The following HS6ST2 variants were observed in gnomAD, a reference collection of about 807,000 sequenced individuals.
HS6ST2 encodes the protein heparan-sulfate 6-O-sulfotransferase 2.
Under a neutral mutation model 33.0 loss-of-function variants are expected in HS6ST2, and 17 were observed. That is an observed-to-expected ratio of 0.52 (90% CI 0.35 to 0.77). The LOEUF (loss-of-function observed/expected upper bound fraction) is 0.77, where lower values mean the gene tolerates loss of function less well. Ranked by LOEUF, HS6ST2 falls within the 30% of genes least tolerant of loss-of-function variation. The pLI is 0.01. For missense variants in HS6ST2, 519 were observed against 551.7 expected (o/e 0.94, Z 0.59); for synonymous variants, 248 against 237.1 (o/e 1.05, Z -0.42).
At chrX:132,839,997 A>G (rs2065693671) in intron 2 of HS6ST2, among the ~76,000 whole-genome samples, 1 of 110,823 alleles carries the variant, frequency 9.0e-6, no homozygotes, top group Non-Finnish European at 1.9e-5. Flanking sequence ...CACGCCTGTA[A>G]TCTCAGCTAC....
At chrX:132,836,826 T>C (rs747945419) in intron 2 of HS6ST2, among the ~76,000 whole-genome samples, 1 of 112,538 alleles carries the variant, frequency 8.9e-6, no homozygotes, top group Non-Finnish European at 1.9e-5. Context: ...GCCTTGATTA[T>C]AAGGTCAAGG....
chrX:132,850,722 T>A (rs1455210803), intron 2 of HS6ST2, among the ~76,000 whole-genome samples: 1 of 72,225 alleles, frequency 1.4e-5, no homozygotes, highest in Non-Finnish European at 2.7e-5. Flanking sequence ...AAATGCTATT[T>A]TCTACATCTA....
At chrX:132,735,846 A>T (rs755732085) in intron 2 of HS6ST2, among the ~76,000 whole-genome samples, 22 of 111,097 alleles carry the variant, frequency 2.0e-4, no homozygotes, top group Non-Finnish European at 3.2e-4. Flanking sequence ...TTATTTATTT[A>T]TTTATTTTTT....
At chrX:132,798,767 GAGCT>G (rs922595167) in intron 2 of HS6ST2, among the ~76,000 whole-genome samples, 12 of 111,795 alleles carry the variant, frequency 1.1e-4, no homozygotes, top group African/African-American at 3.6e-4. Flanking sequence ...AGATCTGATG[GAGCT>G]ACCAACATCC....
intron 2 of HS6ST2, among the ~76,000 whole-genome samples, chrX:132,945,155 C>A (rs2066936243): frequency 9.0e-6 from 1 of 111,685 alleles, no homozygotes; most frequent in Non-Finnish European, 1.9e-5. Flanking sequence ...AACAGATTTA[C>A]AAGAAAAAAA....
intron 2 of HS6ST2, chrX:132,907,468 A>T (rs1432843236): frequency 1.7e-5 from 2 of 115,899 alleles, no homozygotes; most frequent in Non-Finnish European, 3.6e-5. Flanking sequence ...ATACTCTGGC[A>T]AGATATTGTA....
intron 2 of HS6ST2, among the ~76,000 whole-genome samples, chrX:132,894,123 G>GTTT (rs766095383): frequency 2.1e-5 from 2 of 93,165 alleles, no homozygotes; most frequent in Non-Finnish European, 2.2e-5. Context: ...TGGGTTTCAG[G>GTTT]TTTTTTTTTT....
intron 4 of HS6ST2, among the ~76,000 whole-genome samples, chrX:132,635,085 C>T (rs745329851): frequency 6.3e-5 from 7 of 111,961 alleles, no homozygotes; most frequent in African/African-American, 2.3e-4. Context: ...AAACAATGCA[C>T]AGTGAACCTG....
chrX:132,891,821 T>C (rs1021181010), intron 2 of HS6ST2, among the ~76,000 whole-genome samples: 1 of 111,713 alleles, frequency 9.0e-6, no homozygotes, highest in Non-Finnish European at 1.9e-5. Context: ...GTCTTTCCTA[T>C]TGTGAATAGT....
In HS6ST2 at chrX:132,759,358, T is replaced by C. The variant is rs184522107; in HGVS notation, c.948-50864A>G. 1.9e-4 allele frequency among the ~76,000 whole-genome samples: 21 copies of C among 111,887 alleles called. No homozygotes were observed. The East Asian group carries it at 5.3e-3, about 28-fold the overall frequency. On this transcript the variant is annotated intron_variant, in intron 2 of 4. Coordinates refer to ENST00000370833, the MANE Select transcript of HS6ST2 (RefSeq NM_001394073.1). ...TTCACTTCACTCTCTGATAAGGCAG[T>C]CCCAGAATATCAGAGTATATTTCTT... is the stretch of plus-strand genomic sequence containing the variant.
At chrX:132,700,332 A>G (rs1234792381) in intron 3 of HS6ST2, among the ~76,000 whole-genome samples, 1 of 111,419 alleles carries the variant, frequency 9.0e-6, no homozygotes, top group Non-Finnish European at 1.9e-5. Context: ...AGCTCATTGA[A>G]TAGTAAGCCA....
chrX:132,775,088 G>A (rs2064944102), intron 2 of HS6ST2, among the ~76,000 whole-genome samples: 1 of 109,808 alleles, frequency 9.1e-6, no homozygotes, highest in Admixed American at 9.8e-5. Context: ...ATCACAGCCA[G>A]GGGCATCCTG....
At chrX:132,668,200 G>C (rs1052587478) in intron 4 of HS6ST2, 2 of 111,614 alleles carry the variant, frequency 1.8e-5, no homozygotes, top group African/African-American at 6.5e-5. Flanking sequence ...GCAAAGCTGT[G>C]CTCTTGTAGT....
chrX:132,708,597 C>T, intron 2 of HS6ST2, 103 bp from the exon 3 acceptor site: 2 of 711,636 alleles, frequency 2.8e-6, no homozygotes, highest in Non-Finnish European at 4.2e-6. Context: ...ATTTCTCCAG[C>T]TTCCCAAACC....
At chrX:132,861,319 C>G (rs1211446573) in intron 2 of HS6ST2, among the ~76,000 whole-genome samples, 1 of 112,053 alleles carries the variant, frequency 8.9e-6, no homozygotes, top group African/African-American at 3.2e-5. Context: ...CTTATTAGGG[C>G]TAACTCTATA....
intron 2 of HS6ST2, among the ~76,000 whole-genome samples, chrX:132,749,523 G>T (rs1602637141): frequency 8.9e-6 from 1 of 112,249 alleles, no homozygotes; most frequent in East Asian, 2.8e-4. Flanking sequence ...TCACCAGATG[G>T]TTGGCAATCA....
chrX:132,737,514 C>T (rs2064520749), intron 2 of HS6ST2, among the ~76,000 whole-genome samples: 1 of 111,427 alleles, frequency 9.0e-6, no homozygotes. Flanking sequence ...CTAGTTCCTC[C>T]CACCTTTAGC....
intron 2 of HS6ST2, among the ~76,000 whole-genome samples, chrX:132,901,911 T>C (rs1236322292): frequency 9.0e-6 from 1 of 110,683 alleles, no homozygotes; most frequent in Admixed American, 9.7e-5. Context: ...AATATTGCTT[T>C]GTAACAGAGA....
intron 2 of HS6ST2, among the ~76,000 whole-genome samples, chrX:132,724,668 A>G (rs1272645135): frequency 8.9e-6 from 1 of 111,991 alleles, no homozygotes; most frequent in African/African-American, 3.2e-5. Flanking sequence ...TAAAATTTCT[A>G]CGGAACCACA....
Sources: gnomAD v4.1 joint callset for allele counts (sites outside exome capture counted in the v4.1 genomes callset) on GRCh38, gnomAD v4.1.1 for gene constraint, MANE v1.5 for transcripts, NCBI Gene and HGNC (gene_info 2026-07-23, HGNC 2026-07-21) for gene names.